FILIP1L: variants seen among roughly 807,000 people sequenced by gnomAD.
The protein encoded by FILIP1L is filamin A-interacting protein 1-like.
A neutral mutation model predicts 96.6 loss-of-function variants in FILIP1L; 55 were observed. The observed-to-expected ratio is 0.57, with a 90% CI of 0.46 to 0.71. The LOEUF (loss-of-function observed/expected upper bound fraction) is 0.71. Among genes scored for constraint, FILIP1L ranks in the 30% least tolerant of loss-of-function variants. FILIP1L has a pLI of 0.00. For synonymous variants in FILIP1L, 467 were observed against 473.9 expected (o/e 0.99, Z 0.19); for missense variants, 1,304 against 1,321.2 (o/e 0.99, Z 0.20).
Position 99,983,389 on chromosome 3 carries a change from A to AATAAAT in FILIP1L, c.-10-52360_-10-52359insATTTAT, listed in dbSNP as rs1302972402. On this transcript the variant is annotated intron_variant, in intron 1 of 5. Transcript: ENST00000477258. ...TCTCTACTTAAAAAATAAATAAATAAATATATATATATATATATATATATA... is the reference window on the plus strand; with the variant it reads ...TCTCTACTTAAAAAATAAATAAATAAATAAATATATATATATATATATATATATATA... Among the ~76,000 whole-genome samples, 48 of 40,784 alleles carry AATAAAT rather than the reference A, an allele frequency of 1.2e-3. 4 individuals carry two copies. The highest frequency in any genetic ancestry group is 4.9e-3 in the African/African-American group (48 of 9,784). The allele number at this position is 40,784 out of a possible 152,430, so 26.8% of individuals were successfully genotyped here.
chr3:99,875,573 G>C (rs1705470321), intron 4 of FILIP1L, among the ~76,000 whole-genome samples: 1 of 152,174 alleles, frequency 6.6e-6, no homozygotes, highest in South Asian at 2.1e-4. Context: ...TTTTAAGTTA[G>C]ATTCGTCTTA....
chr3:99,951,459 G>C (rs976749191), intron 1 of FILIP1L, among the ~76,000 whole-genome samples: 3 of 152,164 alleles, frequency 2.0e-5, no homozygotes, highest in Non-Finnish European at 4.4e-5. Flanking sequence ...AGGTTGTCTT[G>C]AAAGTCATCA....
intron 1 of FILIP1L, among the ~76,000 whole-genome samples, chr3:99,981,785 G>A (rs1481932846): frequency 2.6e-5 from 4 of 152,122 alleles, no homozygotes; most frequent in Non-Finnish European, 5.9e-5. Context: ...ATATGTATAG[G>A]TGTTTATTCA....
chr3:99,944,786 C>T lies in FILIP1L; in HGVS notation c.-10-13756G>A, dbSNP rs192435231. 1.0e-3 allele frequency among the ~76,000 whole-genome samples: 157 copies of T among 152,286 alleles called. 4 individuals carry two copies. Among genetic ancestry groups the T allele is most frequent in the Admixed American group, 0.01 (157 of 15,296 alleles). Reference sequence around the variant, plus strand: ...AGACATCTCAGCAATTATGGTGCAGCACTGACTATATCAATAAAATTAAAG... The same window carrying T: ...AGACATCTCAGCAATTATGGTGCAGTACTGACTATATCAATAAAATTAAAG... On this transcript the variant is annotated intron_variant, in intron 1 of 5. Coordinates refer to ENST00000477258, the MANE Select transcript of FILIP1L (RefSeq NM_001387850.1).
At chr3:100,068,596 T>G (rs1420671901) in intron 1 of FILIP1L, among the ~76,000 whole-genome samples, 2 of 152,216 alleles carry the variant, frequency 1.3e-5, no homozygotes, top group East Asian at 3.8e-4. Flanking sequence ...TTTACTTTTC[T>G]AAAACATGAA....
chr3:100,092,855 A>G (rs1306492973), intron 1 of FILIP1L, among the ~76,000 whole-genome samples: 1 of 151,618 alleles, frequency 6.6e-6, no homozygotes, highest in Non-Finnish European at 1.5e-5. Flanking sequence ...CATTCTTCTC[A>G]CAAGACAAAC....
chr3:100,062,107 T>C (rs2065579511), intron 1 of FILIP1L, among the ~76,000 whole-genome samples: 2 of 67,210 alleles, frequency 3.0e-5, no homozygotes, highest in African/African-American at 4.9e-5. Flanking sequence ...TTTTTTTTTT[T>C]TTTTTTTTTT....
In FILIP1L at chr3:99,921,303, TC is replaced by T. The variant is rs1285654400; in HGVS notation, c.605+2926del. On this transcript the variant is annotated intron_variant, in intron 4 of 5. Coordinates refer to ENST00000477258, the MANE Select transcript of FILIP1L (RefSeq NM_001387850.1). ...GTTTATTTACCTGAAGTCATTAGTT[TC>T]CCCCACTTCCTGTTTCGTTAGATGG... 4.6e-5 allele frequency among the ~76,000 whole-genome samples: 7 copies of T among 152,264 alleles called. No individual in the cohort carries two copies. The South Asian group carries it at 1.5e-3, about 32-fold the overall frequency.
chr3:99,869,180 G>C (rs1168353322), intron 4 of FILIP1L, among the ~76,000 whole-genome samples: 1 of 152,204 alleles, frequency 6.6e-6, no homozygotes, highest in African/African-American at 2.4e-5. Flanking sequence ...ATTTAGTGAA[G>C]AGAAGAATTC....
intron 1 of FILIP1L, among the ~76,000 whole-genome samples, chr3:100,003,710 C>T (rs1709908125): frequency 6.6e-6 from 1 of 152,126 alleles, no homozygotes; most frequent in South Asian, 2.1e-4. Context: ...GATCTATGAT[C>T]TTCATACTTG....
intron 1 of FILIP1L, among the ~76,000 whole-genome samples, chr3:100,065,878 G>C (rs1364486089): frequency 6.6e-6 from 1 of 152,194 alleles, no homozygotes; most frequent in Non-Finnish European, 1.5e-5. Flanking sequence ...GTAAGGTAGT[G>C]GTGCTCAAAA....
intron 1 of FILIP1L, among the ~76,000 whole-genome samples, chr3:100,027,670 T>C (rs552738560): frequency 3.0e-4 from 46 of 152,200 alleles, no homozygotes; most frequent in African/African-American, 1.1e-3. Flanking sequence ...ATATGGAAAA[T>C]GTTGTGTGAA....
chr3:99,920,024 T>G (rs1707075005), intron 4 of FILIP1L, among the ~76,000 whole-genome samples: 1 of 152,238 alleles, frequency 6.6e-6, no homozygotes, highest in Admixed American at 6.5e-5. Flanking sequence ...ACTTCTGATT[T>G]ACAAAACTGA....
rs180936996 is a variant in FILIP1L, at chr3:99,890,646, T to C, written c.605+33584A>G. ...TGATCTACAGTTGTTACCTATTTCATTTCCCAAAGTTTCTATTTGTTTTTC... is the reference window on the plus strand; with the variant it reads ...TGATCTACAGTTGTTACCTATTTCACTTCCCAAAGTTTCTATTTGTTTTTC... On this transcript the variant is annotated intron_variant, in intron 4 of 5. Transcript: ENST00000477258. Among the ~76,000 whole-genome samples the C allele has an allele frequency of 9.9e-4, 151 of 152,242 alleles. 1 individual carries two copies. Among genetic ancestry groups the C allele is most frequent in the Admixed American group, 7.9e-3 (121 of 15,300 alleles).
chr3:100,090,239 ATTG>A (rs2066080752), intron 1 of FILIP1L, among the ~76,000 whole-genome samples: 1 of 152,242 alleles, frequency 6.6e-6, no homozygotes, highest in East Asian at 1.9e-4. Flanking sequence ...GCTGTTTGCT[ATTG>A]TTTTCTTCAA....
intron 1 of FILIP1L, among the ~76,000 whole-genome samples, chr3:100,100,231 T>C (rs898564827): frequency 6.6e-6 from 1 of 152,142 alleles, no homozygotes; most frequent in Non-Finnish European, 1.5e-5. Context: ...TCAAGGGTTG[T>C]ACATCCTGAG....
At chr3:99,833,138 C>A in intron 5 of FILIP1L, 1 of 1,062,480 alleles carries the variant, frequency 9.4e-7, no homozygotes, top group East Asian at 2.4e-5. Context: ...TTGGAAAGCT[C>A]ATTCATAGAA....
At chr3:100,076,228 T>C (rs1576026275) in intron 1 of FILIP1L, among the ~76,000 whole-genome samples, 1 of 152,236 alleles carries the variant, frequency 6.6e-6, no homozygotes, top group African/African-American at 2.4e-5. Flanking sequence ...TGGAGGCTTG[T>C]CTGTTTCATT....
At chr3:99,867,291 A>G (rs751157405) in intron 4 of FILIP1L, among the ~76,000 whole-genome samples, 7 of 152,170 alleles carry the variant, frequency 4.6e-5, no homozygotes, top group Non-Finnish European at 1.0e-4. Flanking sequence ...GTGGCAGTTA[A>G]AGAAATGGCT....
Sources: allele counts gnomAD v4.1 joint callset (sites outside exome capture counted in the v4.1 genomes callset), GRCh38; gene constraint gnomAD v4.1.1; transcripts MANE v1.5; gene names NCBI Gene and HGNC (gene_info 2026-07-23, HGNC 2026-07-21).